The following AP5Z1 variants were observed in gnomAD, a reference collection of about 807,000 sequenced individuals.
AP5Z1 encodes adaptor related protein complex 5 subunit zeta 1.
A neutral mutation model predicts 83.0 loss-of-function variants in AP5Z1; 106 were observed. That is an observed-to-expected ratio of 1.28 (90% CI 1.09 to 1.50). AP5Z1 has a LOEUF of 1.50. AP5Z1 is among the 40% of genes most tolerant of loss of function. The probability of loss-of-function intolerance (pLI) is 0.00; values close to 1 mark genes in which losing one functional copy is unlikely to be tolerated. For synonymous variants in AP5Z1, 751 were observed against 514.1 expected (o/e 1.46, Z -6.23); for missense variants, 1,565 against 1,094.2 (o/e 1.43, Z -6.07).
chr7:4,790,252 CCTGGGCCTGAGG>C lies in AP5Z1; in HGVS notation c.1806-205_1806-194del, dbSNP rs1562414088. The C allele has an allele frequency of 3.2e-6, 5 of 1,546,158 alleles. No homozygotes were observed. The South Asian group carries it at 3.6e-5, about 11-fold the overall frequency. ...AGGCCCATCCTGGTTCCACTCTGAG[CCTGGGCCTGAGG>C]CCAGCGCTGGTGCCAGCCTTCTCCC... On this transcript the variant is annotated intron_variant, in intron 14 of 16. Coordinates refer to ENST00000649063, the MANE Select transcript of AP5Z1 (RefSeq NM_014855.3).
rs1482123312 is a variant in AP5Z1, at chr7:4,777,384, TA to T, written c.41+1629del. ...TTATTTATTTATTTATTTATTTATT[TA>T]TTTTTATTAGAGTCTCTTTTGAGAC... is the stretch of plus-strand genomic sequence containing the variant. On this transcript the variant is annotated intron_variant, in intron 1 of 16. Transcript: ENST00000649063. 1.1e-4 allele frequency among the ~76,000 whole-genome samples: 16 copies of T among 151,974 alleles called. No homozygotes were observed. The East Asian group carries it at 3.1e-3, about 29-fold the overall frequency.
At position 4,788,227 on chromosome 7, in the gene AP5Z1, C is replaced by A. The variant is rs374146548; in HGVS notation, c.1528C>A (p.Arg510=). Residue 510 remains arginine, a synonymous_variant, in exon 12 of 17, where the codon CGG becomes AGG. Coordinates refer to ENST00000649063, the MANE Select transcript of AP5Z1 (RefSeq NM_014855.3). ...GGCCCCCAGCTGCCTGGAGGCCTTC[C>A]GGGACCCGCAGTTCCAGGGTCTTTT... The part of the protein sequence containing the change: ...LRAPSCLEAF[R]DPQFQGLFQY... 6.4e-7 allele frequency: 1 copy of A among 1,573,890 alleles called. No homozygotes were observed. The highest frequency in any genetic ancestry group is 8.6e-7 in the Non-Finnish European group (1 of 1,160,898).
At position 4,791,148 on chromosome 7, in the gene AP5Z1, G is replaced by A. The variant is rs766024004; in HGVS notation, c.2187G>A (p.Leu729=). The change falls in exon 17 of 17, where the codon CTG becomes CTA. Residue 729 remains leucine, a synonymous_variant. Coordinates refer to ENST00000649063, the MANE Select transcript of AP5Z1 (RefSeq NM_014855.3). The part of the protein sequence containing the change: ...ASLLLSKMRT[L]AHSPATSSTH... ...TATTGCTGTCAAAGATGAGGACCCT[G>A]GCTCACAGTCCAGCCACCAGCTCCA... The A allele has an allele frequency of 9.3e-6, 15 of 1,608,692 alleles. No homozygotes were observed. In the East Asian group the frequency reaches 3.1e-4, roughly 34 times the overall value.
chr7:4,791,345 GC>G lies in AP5Z1; in HGVS notation c.2386del (p.Arg796GlyfsTer24). 6.2e-7 allele frequency: 1 copy of G among 1,609,098 alleles called. No individual in the cohort carries two copies. The highest frequency in any genetic ancestry group is 8.5e-7 in the Non-Finnish European group (1 of 1,178,372). Reference protein sequence around the residue: ...TALPLALRTVSRLVEREAGLM... With the variant: ...TALPLALRTVXRLVEREAGLM... ...CTGCCCCTGGCCCTGCGCACGGTCA[GC>G]CGGCTGGTGGAGAGGGAGGCCGGCC... On this transcript the variant is annotated frameshift_variant, in exon 17 of 17. Coordinates refer to ENST00000649063, the MANE Select transcript of AP5Z1 (RefSeq NM_014855.3). LOFTEE classifies it high-confidence loss of function.
rs1781545131 is a variant in AP5Z1 at position 4,786,396 on chromosome 7, A to ACCCTCAGAT, written c.1280_1288dup (p.Arg429_Leu430insSerLeuArg). On this transcript the variant is annotated inframe_insertion, in exon 10 of 17. Coordinates refer to ENST00000649063, the MANE Select transcript of AP5Z1 (RefSeq NM_014855.3). ...CCACCTGTTCAGCGGGCACCTCAGC[A>ACCCTCAGAT]CCCTCAGATTGAGCTTCCCCAACCT... 6.2e-7 allele frequency: 1 copy of ACCCTCAGAT among 1,613,786 alleles called. No individual in the cohort carries two copies. The highest frequency in any genetic ancestry group is 2.2e-5 in the East Asian group (1 of 44,872).
chr7:4,781,565 C>T lies in AP5Z1; in HGVS notation c.180-3C>T, dbSNP rs1481553557. On this transcript the variant is annotated splice_polypyrimidine_tract_variant and splice_region_variant and intron_variant, in intron 2 of 16. Transcript: ENST00000649063. ...CGCCCACCACGGGCATCTCGCCTTC[C>T]AGGCTGGAGAAGACATGCGTAGACC... is the stretch of plus-strand genomic sequence containing the variant. 1 of 1,603,010 alleles carries T rather than the reference C, an allele frequency of 6.2e-7. No homozygotes were observed. The highest frequency in any genetic ancestry group is 1.7e-5 in the Admixed American group (1 of 59,820).
chr7:4,791,551 C>T lies in AP5Z1; in HGVS notation c.*166C>T, dbSNP rs973365156. 9.7e-7 allele frequency: 1 copy of T among 1,036,020 alleles called. No individual in the cohort carries two copies. Among genetic ancestry groups the T allele is most frequent in the Non-Finnish European group, 1.4e-6 (1 of 728,582 alleles). The allele number at this position is 1,036,020 out of a possible 1,614,324, so 64.2% of individuals were successfully genotyped here. A position where few individuals can be genotyped will look rare whatever the true frequency, so the allele number is the denominator to read the frequency against. ...CAGACACGCGGGGCTGGCCCCCCTGCTCACCCTCTGGGCTTTGTCTCCGAG... is the reference window on the plus strand; with the variant it reads ...CAGACACGCGGGGCTGGCCCCCCTGTTCACCCTCTGGGCTTTGTCTCCGAG... On this transcript the variant is annotated 3_prime_UTR_variant, in exon 17 of 17. Transcript: ENST00000649063.
In AP5Z1 at chr7:4,785,012, G is replaced by A. The variant is rs1054948864; in HGVS notation, c.895G>A (p.Glu299Lys). The A allele has an allele frequency of 1.6e-5, 26 of 1,610,562 alleles. No homozygotes were observed. Among genetic ancestry groups the A allele is most frequent in the South Asian group, 5.5e-5 (5 of 90,906 alleles). The change falls in exon 7 of 17, where the codon GAG (glutamate) becomes AAG (lysine). Residue 299 changes from glutamate to lysine, a missense_variant. Transcript: ENST00000649063. ...GGAGCGGCTTCGGGAGGTGGCCTTC[G>A]AGTACTGCCAGCGCCTCATTGAGCA... The part of the protein sequence containing the change: ...PRERLREVAF[E>K]YCQRLIEQSN...
chr7:4,779,139 ATATATAACATATATAACAAC>A (rs1336805295), intron 1 of AP5Z1, among the ~76,000 whole-genome samples: 2 of 146,644 alleles, frequency 1.4e-5, no homozygotes, highest in Non-Finnish European at 3.0e-5. Flanking sequence ...ATTATATATT[ATATATAACATATATAACAAC>A]TATATAACAT....
rs763884027 is a variant in AP5Z1, at chr7:4,784,231, C to A, written c.650C>A (p.Ala217Glu). The change falls in exon 6 of 17, where the codon GCG becomes GAG. Residue 217 changes from alanine to glutamate, a missense_variant. Transcript: ENST00000649063. ...QPGPVTEVDG[A>E]VATDFFTVLS... ...GGCCCCGTCACCGAGGTGGACGGGG[C>A]GGTAGCCACAGACTTCTTCACGGTG... is the stretch of plus-strand genomic sequence containing the variant. The A allele has an allele frequency of 1.9e-6, 3 of 1,570,082 alleles. No individual in the cohort carries two copies. The highest frequency in any genetic ancestry group is 2.6e-6 in the Non-Finnish European group (3 of 1,159,432).
At chr7:4,789,803 T>C (rs1385140734) in intron 13 of AP5Z1, 29 bp from the exon 14 acceptor site, 2 of 1,540,316 alleles carry the variant, frequency 1.3e-6, no homozygotes, top group South Asian at 1.2e-5. Context: ...GGGGTGGGGC[T>C]GAGCCTGTTT....
intron 12 of AP5Z1, chr7:4,788,592 A>C: frequency 2.0e-6 from 1 of 494,010 alleles, no homozygotes; most frequent in Non-Finnish European, 3.5e-6. Context: ...AGGAAGCAGG[A>C]GGCCTGGGAC....
chr7:4,781,394 A>ATG, intron 2 of AP5Z1, 82 bp downstream of exon 2: 1 of 1,597,264 alleles, frequency 6.3e-7, no homozygotes, highest in Non-Finnish European at 8.5e-7. Flanking sequence ...GTCACTGCAG[A>ATG]TGCTCCTTGG....
intron 3 of AP5Z1, 79 bp downstream of exon 3, chr7:4,781,833 C>T (rs773413718): frequency 1.4e-6 from 2 of 1,412,744 alleles, no homozygotes; most frequent in South Asian, 1.6e-5. Context: ...GCAGGGGCGC[C>T]AGAGCCGGCA....
rs139302148 is a variant in AP5Z1 at position 4,789,985 on chromosome 7, CCCCCTCT to C, written c.1805+63_1805+69del. On this transcript the variant is annotated intron_variant, in intron 14 of 16. Coordinates refer to ENST00000649063, the MANE Select transcript of AP5Z1 (RefSeq NM_014855.3). ...CTGGGCGGGTGCCTCCTGGACTCCT[CCCCCTCT>C]CCCCTCCCCCCTCCCCTTCAGTGGC... is the stretch of plus-strand genomic sequence containing the variant. 2,037 of 789,926 alleles carry C rather than the reference CCCCCTCT, an allele frequency of 2.6e-3. 21 individuals carry two copies. In the African/African-American group the frequency reaches 0.032, roughly 12 times the overall value. 48.9% of individuals were successfully genotyped at this position (789,926 alleles called of 1,614,324 possible).
In AP5Z1 at chr7:4,791,483, C is replaced by T. The variant is rs1781771550; in HGVS notation, c.*98C>T. 2.1e-6 allele frequency: 3 copies of T among 1,462,254 alleles called. No homozygotes were observed. Among genetic ancestry groups the T allele is most frequent in the East Asian group, 2.5e-5 (1 of 40,106 alleles). 90.6% of individuals were successfully genotyped at this position (1,462,254 alleles called of 1,614,324 possible). A position where few individuals can be genotyped will look rare whatever the true frequency, so the allele number is the denominator to read the frequency against. ...TAGGAGCTCAGGAGGGCGCGGGAGTCCTGGGAGAGGAGGCAAGGCCCACGG... is the reference window on the plus strand; with the variant it reads ...TAGGAGCTCAGGAGGGCGCGGGAGTTCTGGGAGAGGAGGCAAGGCCCACGG... On this transcript the variant is annotated 3_prime_UTR_variant, in exon 17 of 17. Coordinates refer to ENST00000649063, the MANE Select transcript of AP5Z1 (RefSeq NM_014855.3).
intron 10 of AP5Z1, 125 bp from the exon 11 acceptor site, chr7:4,787,509 G>A: frequency 7.3e-7 from 1 of 1,367,854 alleles, no homozygotes; most frequent in Non-Finnish European, 9.6e-7. Flanking sequence ...GCGGGAGGAG[G>A]CAAAGGTAGA....
chr7:4,788,025 C>T lies in AP5Z1; in HGVS notation c.1455-129C>T, dbSNP rs976312322. 5.8e-6 allele frequency: 8 copies of T among 1,381,442 alleles called. No homozygotes were observed. The East Asian group carries it at 7.6e-5, about 13-fold the overall frequency. 85.6% of individuals were successfully genotyped at this position (1,381,442 alleles called of 1,614,324 possible). A position where few individuals can be genotyped will look rare whatever the true frequency, so the allele number is the denominator to read the frequency against. ...CTTCACGCCCAGGCCTGGAGCCTCC[C>T]ATGCCAAGCCCTTCCTGGCACCCGA... On this transcript the variant is annotated intron_variant, in intron 11 of 16. Transcript: ENST00000649063.
chr7:4,788,422 C>T, intron 12 of AP5Z1, 128 bp downstream of exon 12: 1 of 1,192,972 alleles, frequency 8.4e-7, no homozygotes, highest in Non-Finnish European at 1.1e-6. Context: ...AGGCTGCGTC[C>T]CCGTCATCAC....
Sources: gnomAD v4.1 joint callset for allele counts (sites outside exome capture counted in the v4.1 genomes callset) on GRCh38, gnomAD v4.1.1 for gene constraint, MANE v1.5 for transcripts, NCBI Gene and HGNC (gene_info 2026-07-23, HGNC 2026-07-21) for gene names.